The following POU6F2 variants were observed in gnomAD, a reference collection of about 807,000 sequenced individuals.
The protein encoded by POU6F2 is POU class 6 homeobox 2.
Under a neutral mutation model 71.3 loss-of-function variants are expected in POU6F2, and 31 were observed. The ratio of observed to expected loss-of-function variants is 0.43; its 90% CI spans 0.33 to 0.59. The LOEUF is 0.59. Among genes scored for constraint, POU6F2 ranks in the 20% least tolerant of loss-of-function variants. POU6F2 has a pLI of 0.04. For synonymous variants in POU6F2, 347 were observed against 355.7 expected, an observed-to-expected ratio of 0.98 and a Z score of 0.27; for missense variants, 783 against 856.8, an observed-to-expected ratio of 0.91 and a Z score of 1.07.
intron 1 of POU6F2, among the ~76,000 whole-genome samples, chr7:39,076,350 A>G (rs1359775519): frequency 1.3e-5 from 2 of 151,998 alleles, no homozygotes; most frequent in African/African-American, 2.4e-5. Context: ...GAATTTCAAC[A>G]CATGTCTGCC....
intron 1 of POU6F2, among the ~76,000 whole-genome samples, chr7:39,076,070 CT>C (rs1790997366): frequency 6.6e-6 from 1 of 152,140 alleles, no homozygotes; most frequent in Non-Finnish European, 1.5e-5. Flanking sequence ...GAGGCCTCGG[CT>C]TCATATTATG....
At chr7:39,348,543 C>A (rs1020978068) in intron 5 of POU6F2, among the ~76,000 whole-genome samples, 1 of 152,168 alleles carries the variant, frequency 6.6e-6, no homozygotes, top group Non-Finnish European at 1.5e-5. Flanking sequence ...AAAGTTCAAG[C>A]AAATTTCTCA....
At chr7:39,013,807 A>G (rs999600096) in intron 1 of POU6F2, among the ~76,000 whole-genome samples, 4 of 152,160 alleles carry the variant, frequency 2.6e-5, no homozygotes, top group Admixed American at 1.3e-4. Context: ...TAGTTGTAAT[A>G]TGTCATCTTT....
chr7:39,252,418 A>ACG (rs1562764083), intron 4 of POU6F2, among the ~76,000 whole-genome samples: 6 of 151,924 alleles, frequency 3.9e-5, no homozygotes, highest in Non-Finnish European at 7.4e-5. Context: ...ACACACACAC[A>ACG]CACACACACA....
At chr7:39,287,311 T>G (rs1395896842) in intron 4 of POU6F2, among the ~76,000 whole-genome samples, 1 of 152,176 alleles carries the variant, frequency 6.6e-6, no homozygotes, top group African/African-American at 2.4e-5. Flanking sequence ...TCAAGGCTTG[T>G]GCGCGTGATA....
chr7:39,157,764 C>T (rs1353984791), intron 2 of POU6F2, among the ~76,000 whole-genome samples: 4 of 152,294 alleles, frequency 2.6e-5, no homozygotes, highest in Admixed American at 6.5e-5. Flanking sequence ...ATAATCAAGT[C>T]GGGTTAAACA....
At chr7:39,221,416 T>C (rs1267572782) in intron 4 of POU6F2, among the ~76,000 whole-genome samples, 2 of 123,930 alleles carry the variant, frequency 1.6e-5, no homozygotes, top group Non-Finnish European at 3.2e-5. Flanking sequence ...TTTGAGACAG[T>C]GTCTCGCTCT....
intron 2 of POU6F2, among the ~76,000 whole-genome samples, chr7:39,109,004 G>T (rs1011190634): frequency 6.6e-6 from 1 of 152,084 alleles, no homozygotes; most frequent in Admixed American, 6.6e-5. Context: ...TCTGTAAATT[G>T]GGTGCCCCAA....
At chr7:39,401,568 G>C (rs1787304005) in intron 5 of POU6F2, among the ~76,000 whole-genome samples, 1 of 152,148 alleles carries the variant, frequency 6.6e-6, no homozygotes, top group Non-Finnish European at 1.5e-5. Context: ...GTACTGATTT[G>C]GTTAGAAGAA....
chr7:39,201,762 C>T (rs1439289904), intron 2 of POU6F2, among the ~76,000 whole-genome samples: 2 of 152,232 alleles, frequency 1.3e-5, no homozygotes, highest in Admixed American at 1.3e-4. Flanking sequence ...TGCAAACGTT[C>T]AGCTAAGTGT....
intron 4 of POU6F2, among the ~76,000 whole-genome samples, chr7:39,324,133 G>C (rs890962246): frequency 1.3e-5 from 2 of 150,912 alleles, no homozygotes; most frequent in African/African-American, 4.9e-5. Flanking sequence ...AAAAAAAAAG[G>C]CTCTTGCAGT....
At chr7:39,123,099 TGTTA>T (rs1188756754) in intron 2 of POU6F2, among the ~76,000 whole-genome samples, 1 of 152,136 alleles carries the variant, frequency 6.6e-6, no homozygotes, top group Non-Finnish European at 1.5e-5. Flanking sequence ...ACCTAAACGG[TGTTA>T]GTTATTGAGC....
At chr7:39,017,813 C>CATGTGTGTGT (rs142504790) in intron 1 of POU6F2, among the ~76,000 whole-genome samples, 3 of 147,924 alleles carry the variant, frequency 2.0e-5, no homozygotes, top group Non-Finnish European at 3.0e-5. Context: ...ATTGTGCATG[C>CATGTGTGTGT]GTGTGTGTGT....
intron 5 of POU6F2, among the ~76,000 whole-genome samples, chr7:39,358,996 A>G (rs1472467257): frequency 6.6e-6 from 1 of 152,208 alleles, no homozygotes; most frequent in Non-Finnish European, 1.5e-5. Flanking sequence ...ACACAGGCCA[A>G]AACCTTACTG....
At chr7:39,382,511 GAGAC>G (rs1393167146) in intron 5 of POU6F2, among the ~76,000 whole-genome samples, 3 of 152,348 alleles carry the variant, frequency 2.0e-5, no homozygotes, top group African/African-American at 7.2e-5. Flanking sequence ...TCAGGGAAAA[GAGAC>G]AGAGTGCTGG....
intron 2 of POU6F2, among the ~76,000 whole-genome samples, chr7:39,128,533 G>T (rs1316604444): frequency 6.6e-6 from 1 of 152,158 alleles, no homozygotes; most frequent in African/African-American, 2.4e-5. Flanking sequence ...GATTATCTGT[G>T]GGAAATATTC....
chr7:39,307,862 G>A (rs746220252), intron 4 of POU6F2, among the ~76,000 whole-genome samples: 1 of 152,000 alleles, frequency 6.6e-6, no homozygotes, highest in Non-Finnish European at 1.5e-5. Context: ...GGCTGAGGCA[G>A]GAGAATCCCT....
At chr7:39,440,073 C>A (rs965512876) in intron 7 of POU6F2, among the ~76,000 whole-genome samples, 3 of 152,180 alleles carry the variant, frequency 2.0e-5, no homozygotes, top group Non-Finnish European at 4.4e-5. Context: ...ATGGGCTTCC[C>A]TTTGTAGGTG....
intron 2 of POU6F2, among the ~76,000 whole-genome samples, chr7:39,183,081 C>T (rs1203471347): frequency 2.0e-5 from 3 of 152,170 alleles, no homozygotes; most frequent in Admixed American, 2.0e-4. Context: ...GTGAGCATTA[C>T]TGCTTGAGCT....
Sources: gnomAD v4.1 joint callset for allele counts (sites outside exome capture counted in the v4.1 genomes callset) on GRCh38, gnomAD v4.1.1 for gene constraint, MANE v1.5 for transcripts, NCBI Gene and HGNC (gene_info 2026-07-23, HGNC 2026-07-21) for gene names.